The following PHACTR2 variants were observed in gnomAD, a reference collection of about 807,000 sequenced individuals.
The protein encoded by PHACTR2 is phosphatase and actin regulator 2, also known as chromosome 6 open reading frame 56.
In PHACTR2, 30 loss-of-function variants were observed where a neutral mutation model predicts 76.0. That is an observed-to-expected ratio of 0.39 (90% CI 0.30 to 0.54). The LOEUF (loss-of-function observed/expected upper bound fraction) is 0.54. PHACTR2 is among the 20% of genes least tolerant of loss of function. The probability of loss-of-function intolerance (pLI) is 0.61; values close to 1 mark genes in which losing one functional copy is unlikely to be tolerated. For missense variants in PHACTR2, 696 were observed against 781.1 expected, an observed-to-expected ratio of 0.89 and a Z score of 1.30; for synonymous variants, 292 against 292.5, an observed-to-expected ratio of 1.00 and a Z score of 0.02.
Position 143,787,692 on chromosome 6 carries a change from C to T in PHACTR2, c.1708-1081C>T, listed in dbSNP as rs577873255. 9.2e-5 allele frequency among the ~76,000 whole-genome samples: 14 copies of T among 152,152 alleles called. No homozygotes were observed. Among genetic ancestry groups the T allele is most frequent in the African/African-American group, 3.1e-4 (13 of 41,524 alleles). On this transcript the variant is annotated intron_variant, in intron 10 of 12. Transcript: ENST00000440869. This position sits in a 1 kb window ranked among gnomAD's most constrained non-coding sequence, Gnocchi z 4.6. ...CTTTGGGAGGCTGAGATGGGAGAAT[C>T]GCTTGAGCCCAAGAGTTCAAGACCA... is the stretch of plus-strand genomic sequence containing the variant.
In PHACTR2 at chr6:143,679,652, C is replaced by A. The variant is rs1042329143; in HGVS notation, c.46+1443C>A. The stretch of plus-strand genomic sequence containing the variant: ...AGTGATTTTATCACAAAATATTACT[C>A]GAGTGAATATTAGAAAAGCAAATTT... On this transcript the variant is annotated intron_variant, in intron 1 of 12. Transcript: ENST00000440869. The surrounding 1 kb of genome is among the most constrained non-coding windows in gnomAD (Gnocchi z 4.6). Among the ~76,000 whole-genome samples, 3 of 151,926 alleles carry A rather than the reference C, an allele frequency of 2.0e-5. No individual in the cohort carries two copies. The highest frequency in any genetic ancestry group is 4.4e-5 in the Non-Finnish European group (3 of 67,976).
At chr6:143,540,265 A>G (rs1448428366) in intron 1 of PHACTR2, among the ~76,000 whole-genome samples, 1 of 152,108 alleles carries the variant, frequency 6.6e-6, no homozygotes, top group Admixed American at 6.6e-5. Flanking sequence ...AAAGGAAATC[A>G]CCTTTTGCAG....
Position 143,772,113 on chromosome 6 carries a change from G to A in PHACTR2, c.1233-145G>A. On this transcript the variant is annotated intron_variant, in intron 6 of 12. Transcript: ENST00000440869. This position sits in a 1 kb window ranked among gnomAD's most constrained non-coding sequence, Gnocchi z 5.4. Reference sequence around the variant, plus strand: ...CCTTGAGAATTAAGGTTTCATTTCAGTGACTTTAGCCTGGCCTATGTCAAG... The same window carrying A: ...CCTTGAGAATTAAGGTTTCATTTCAATGACTTTAGCCTGGCCTATGTCAAG... 1 of 624,820 alleles carries A rather than the reference G, an allele frequency of 1.6e-6. No homozygotes were observed. The highest frequency in any genetic ancestry group is 2.9e-6 in the Non-Finnish European group (1 of 345,836). 38.7% of individuals were successfully genotyped at this position (624,820 alleles called of 1,614,324 possible).
At chr6:143,668,757 C>G (rs1159985538) in intron 1 of PHACTR2, among the ~76,000 whole-genome samples, 1 of 151,308 alleles carries the variant, frequency 6.6e-6, no homozygotes, top group Admixed American at 6.6e-5. Context: ...CTATTTGATT[C>G]TTCTCTCTTC....
Position 143,688,514 on chromosome 6 carries a change from A to G in PHACTR2, c.46+10305A>G, listed in dbSNP as rs1031803405. On this transcript the variant is annotated intron_variant, in intron 1 of 12. Coordinates refer to ENST00000440869, the MANE Select transcript of PHACTR2 (RefSeq NM_001100164.2). The surrounding 1 kb of genome is among the most constrained non-coding windows in gnomAD (Gnocchi z 5.2). ...GGCATCCCAGAGGTAACATAAGTCT[A>G]TACAGAAGGTTTGATTTTGTCCTCC... Among the ~76,000 whole-genome samples the G allele has an allele frequency of 9.2e-5, 14 of 152,176 alleles. No individual in the cohort carries two copies. The highest frequency in any genetic ancestry group is 1.8e-4 in the Non-Finnish European group (12 of 68,034).
chr6:143,762,376 G>C (rs1779463056), intron 5 of PHACTR2, among the ~76,000 whole-genome samples: 1 of 152,158 alleles, frequency 6.6e-6, no homozygotes. Flanking sequence ...TATTTTGCTT[G>C]AAGATTTATT....
rs77832625 is a variant in PHACTR2, at chr6:143,730,596, A to T, written c.215-18389A>T. On this transcript the variant is annotated intron_variant, in intron 2 of 12. Coordinates refer to ENST00000440869, the MANE Select transcript of PHACTR2 (RefSeq NM_001100164.2). The surrounding 1 kb of genome is among the most constrained non-coding windows in gnomAD (Gnocchi z 4.8). ...GAATCATTTTATTTCTTCCATTCTA[A>T]CCTGCATGTTTTTTATTTTTTCTTC... Among the ~76,000 whole-genome samples, 252 of 152,330 alleles carry T rather than the reference A, an allele frequency of 1.7e-3. 1 individual carries two copies. Among genetic ancestry groups the T allele is most frequent in the African/African-American group, 5.6e-3 (234 of 41,576 alleles).
Position 143,543,420 on chromosome 6 carries a change from G to A in PHACTR2, c.217+6213G>A, listed in dbSNP as rs1236617374. Among the ~76,000 whole-genome samples the A allele has an allele frequency of 6.6e-6, 1 of 152,208 alleles. No homozygotes were observed. Among genetic ancestry groups the A allele is most frequent in the Non-Finnish European group, 1.5e-5 (1 of 68,036 alleles). On this transcript the variant is annotated intron_variant, in intron 1 of 11. Transcript: ENST00000367584. This position sits in a 1 kb window ranked among gnomAD's most constrained non-coding sequence, Gnocchi z 4.7. ...CCCTCAGGAACTCACAGTTTAGTGGGGAAAGACAGGCCAATAAGCCAAAGA... is the reference window on the plus strand; with the variant it reads ...CCCTCAGGAACTCACAGTTTAGTGGAGAAAGACAGGCCAATAAGCCAAAGA...
intron 2 of PHACTR2, among the ~76,000 whole-genome samples, chr6:143,713,432 A>T (rs1202174534): frequency 6.6e-6 from 1 of 152,164 alleles, no homozygotes; most frequent in East Asian, 1.9e-4. Context: ...CTGCTTATAG[A>T]TATTGGAAAA....
In PHACTR2 at chr6:143,789,956, A is replaced by G. The variant is rs1775639912; in HGVS notation, c.1845+1046A>G. Among the ~76,000 whole-genome samples, 3 of 152,226 alleles carry G rather than the reference A, an allele frequency of 2.0e-5. No homozygotes were observed. The highest frequency in any genetic ancestry group is 1.5e-5 in the Non-Finnish European group (1 of 68,034). On this transcript the variant is annotated intron_variant, in intron 11 of 12. Transcript: ENST00000440869. The surrounding 1 kb of genome is among the most constrained non-coding windows in gnomAD (Gnocchi z 5.1). ...CAGGGATGTTTTAGGAAGAAGCAGC[A>G]GAAGAATATTGAGAAGAAATGTCCG...
chr6:143,790,286 A>T (rs772056620), intron 11 of PHACTR2, among the ~76,000 whole-genome samples: 13 of 152,160 alleles, frequency 8.5e-5, no homozygotes, highest in Non-Finnish European at 1.6e-4. Context: ...TATGGGAAAT[A>T]CTTGAACAAT....
intron 1 of PHACTR2, among the ~76,000 whole-genome samples, chr6:143,574,142 G>T (rs1451731320): frequency 2.6e-5 from 4 of 152,204 alleles, no homozygotes. Flanking sequence ...GTGCAGCTGT[G>T]TGGCTGAGTG....
rs1365684593 is a variant in PHACTR2 at position 143,784,813 on chromosome 6, C to G, written c.1707+1533C>G. On this transcript the variant is annotated intron_variant, in intron 10 of 12. Transcript: ENST00000440869. The surrounding 1 kb of genome is among the most constrained non-coding windows in gnomAD (Gnocchi z 4.5). ...AAGAAAATGAGGAGGGGAAGCAAAA[C>G]TGGAAACCCCTGATAAACACATCAG... is the stretch of plus-strand genomic sequence containing the variant. Among the ~76,000 whole-genome samples the G allele has an allele frequency of 2.6e-5, 4 of 152,152 alleles. No individual in the cohort carries two copies. The highest frequency in any genetic ancestry group is 9.7e-5 in the African/African-American group (4 of 41,432).
chr6:143,729,916 T>A (rs994376633), intron 2 of PHACTR2, among the ~76,000 whole-genome samples: 2 of 148,574 alleles, frequency 1.3e-5, no homozygotes, highest in Non-Finnish European at 1.5e-5. Flanking sequence ...TGTAAGAAAT[T>A]TCAACAGCAT....
In PHACTR2 at chr6:143,738,279, G is replaced by A. The variant is rs552311738; in HGVS notation, c.215-10706G>A. Among the ~76,000 whole-genome samples the A allele has an allele frequency of 6.6e-6, 1 of 152,200 alleles. No individual in the cohort carries two copies. The highest frequency in any genetic ancestry group is 2.4e-5 in the African/African-American group (1 of 41,506). ...GGCAGGAGAATCGCTTGACCCGGGA[G>A]GCAGAGGTTGCAGTGAGCCGAGATT... On this transcript the variant is annotated intron_variant, in intron 2 of 12. Transcript: ENST00000440869. This position sits in a 1 kb window ranked among gnomAD's most constrained non-coding sequence, Gnocchi z 4.0.
upstream of PHACTR2, among the ~76,000 whole-genome samples, chr6:143,675,891 C>T (rs998686355): frequency 2.0e-5 from 3 of 148,760 alleles, no homozygotes; most frequent in Non-Finnish European, 4.4e-5. The surrounding 1 kb of genome is among the most constrained non-coding windows in gnomAD (Gnocchi z 4.9). Context: ...TCTTAAAATT[C>T]TCTTGTTAGG....
rs1030039325 is a variant in PHACTR2, at chr6:143,793,301, G to T, written c.1845+4391G>T. On this transcript the variant is annotated intron_variant, in intron 11 of 12. Transcript: ENST00000440869. The surrounding 1 kb of genome is among the most constrained non-coding windows in gnomAD (Gnocchi z 4.4). Reference sequence around the variant, plus strand: ...TAATTTTATGTTGAAACAAAAATGGGATTTTGTTCTGGACTTCTAGGTTGC... The same window carrying T: ...TAATTTTATGTTGAAACAAAAATGGTATTTTGTTCTGGACTTCTAGGTTGC... Among the ~76,000 whole-genome samples the T allele has an allele frequency of 6.6e-6, 1 of 152,118 alleles. No individual in the cohort carries two copies. Among genetic ancestry groups the T allele is most frequent in the East Asian group, 1.9e-4 (1 of 5,174 alleles).
chr6:143,805,272 G>A (rs1776038885), intron 11 of PHACTR2, among the ~76,000 whole-genome samples: 1 of 152,108 alleles, frequency 6.6e-6, no homozygotes, highest in Non-Finnish European at 1.5e-5. Flanking sequence ...AAAGTCAGGA[G>A]TTTGAGACCA....
At chr6:143,642,167 T>C (rs928649934) in intron 1 of PHACTR2, among the ~76,000 whole-genome samples, 4 of 152,204 alleles carry the variant, frequency 2.6e-5, no homozygotes, top group Admixed American at 2.0e-4. Context: ...GTAAAATGCA[T>C]AGGAATTTAA....
Sources: allele counts gnomAD v4.1 joint callset (sites outside exome capture counted in the v4.1 genomes callset), GRCh38; gene constraint gnomAD v4.1.1; non-coding constraint Gnocchi (gnomAD v3.1); transcripts MANE v1.5; gene names NCBI Gene and HGNC (gene_info 2026-07-23, HGNC 2026-07-21).